The following ZNF705G variants were observed in gnomAD, a reference collection of about 807,000 sequenced individuals.
ZNF705G encodes the protein putative zinc finger protein 705G.
Under a neutral mutation model 19.6 loss-of-function variants are expected in ZNF705G, and 23 were observed. The ratio of observed to expected loss-of-function variants is 1.17; its 90% CI spans 0.84 to 1.66. ZNF705G has a LOEUF of 1.66. ZNF705G is among the 40% of genes most tolerant of loss of function. ZNF705G has a pLI of 0.00. For synonymous variants in ZNF705G, 146 were observed against 117.7 expected (o/e 1.24, Z -1.56); for missense variants, 457 against 354.4 (o/e 1.29, Z -2.32).
chr8:7,384,937 T>C (rs1807663200), intron 1 of ZNF705G, among the ~76,000 whole-genome samples: 2 of 146,278 alleles, frequency 1.4e-5, no homozygotes, highest in South Asian at 4.2e-4. Context: ...ATGCAGGTTA[T>C]ACAACTAGTG....
rs1309030869 is a variant in ZNF705G, at chr8:7,357,239, A to G, written c.*737T>C. ...ATTTCTCATGATTTTTCATTGCATA[A>G]CTTCTCCAGTAAGAAGTATTTGGTA... On this transcript the variant is annotated 3_prime_UTR_variant, in exon 7 of 7. Coordinates refer to ENST00000400156, the MANE Select transcript of ZNF705G (RefSeq NM_001164457.3). 1.3e-5 allele frequency: 2 copies of G among 150,918 alleles called. No homozygotes were observed. Among genetic ancestry groups the G allele is most frequent in the Non-Finnish European group, 2.9e-5 (2 of 68,432 alleles). The allele number at this position is 150,918 out of a possible 1,614,324, so 9.3% of individuals were successfully genotyped here.
At chr8:7,361,477 T>C (rs1344992457) in intron 3 of ZNF705G, among the ~76,000 whole-genome samples, 1 of 149,702 alleles carries the variant, frequency 6.7e-6, no homozygotes, top group Non-Finnish European at 1.5e-5. Flanking sequence ...TGGCATAATA[T>C]AACCCAGATA....
chr8:7,367,311 A>G (rs1302496056), intron 2 of ZNF705G, among the ~76,000 whole-genome samples: 1 of 149,322 alleles, frequency 6.7e-6, no homozygotes, highest in African/African-American at 2.6e-5. Context: ...TTCCTCTCTA[A>G]AAATGATAAT....
In ZNF705G at chr8:7,355,972, G is replaced by A. The variant is rs1260300508; in HGVS notation, c.*2004C>T. On this transcript the variant is annotated 3_prime_UTR_variant, in exon 7 of 7. Transcript: ENST00000400156. ...ATAATGATGTGTCAACTTCAACCAT[G>A]GATAAGGCCATTTAGCCTTAGTAAG... 1.3e-5 allele frequency: 2 copies of A among 149,416 alleles called. No individual in the cohort carries two copies. Among genetic ancestry groups the A allele is most frequent in the Admixed American group, 6.6e-5 (1 of 15,236 alleles). The allele number at this position is 149,416 out of a possible 1,614,324, so 9.3% of individuals were successfully genotyped here.
Position 7,375,556 on chromosome 8 carries a change from T to C in ZNF705G, c.-72+5896A>G, listed in dbSNP as rs1345499871. On this transcript the variant is annotated intron_variant, in intron 2 of 6. Coordinates refer to ENST00000400156, the MANE Select transcript of ZNF705G (RefSeq NM_001164457.3). ...GATATACACCCAGTAGTGAGATTAC[T>C]GGGTCAAATGTTAGTTCTGTATTAA... Among the ~76,000 whole-genome samples, 2 of 93,136 alleles carry C rather than the reference T, an allele frequency of 2.1e-5. 1 individual carries two copies. Among genetic ancestry groups the C allele is most frequent in the African/African-American group, 1.0e-4 (2 of 20,012 alleles). The allele number at this position is 93,136 out of a possible 152,430, so 61.1% of individuals were successfully genotyped here. A position where few individuals can be genotyped will look rare whatever the true frequency, so the allele number is the denominator to read the frequency against.
intron 6 of ZNF705G, 42 bp downstream of exon 6, chr8:7,359,577 T>G (rs745933972): frequency 1.2e-6 from 2 of 1,603,010 alleles, no homozygotes; most frequent in South Asian, 2.2e-5. Context: ...CATTAACATG[T>G]CTTTAACTTA....
chr8:7,363,879 AG>A, intron 2 of ZNF705G, among the ~76,000 whole-genome samples: 1 of 149,474 alleles, frequency 6.7e-6, no homozygotes, highest in Non-Finnish European at 1.5e-5. Flanking sequence ...TTTCACTTAG[AG>A]GGTCAACACT....
chr8:7,365,594 T>C (rs1465423743), intron 2 of ZNF705G, among the ~76,000 whole-genome samples: 1 of 149,276 alleles, frequency 6.7e-6, no homozygotes, highest in Non-Finnish European at 1.5e-5. Context: ...GGTCTAAAAC[T>C]CCTGACCTCA....
Position 7,385,494 on chromosome 8 carries a change from C to G in ZNF705G, c.-222+4G>C, listed in dbSNP as rs183772362. The G allele has an allele frequency of 6.7e-6, 1 of 149,300 alleles. No individual in the cohort carries two copies. Among genetic ancestry groups the G allele is most frequent in the Non-Finnish European group, 1.5e-5 (1 of 68,138 alleles). The allele number at this position is 149,300 out of a possible 1,614,324, so 9.2% of individuals were successfully genotyped here. ...AAAACCAGTTGGCCCTACTGGAAAC[C>G]CACCTTGCAGTTGGTTCCTCCACCC... On this transcript the variant is annotated splice_donor_region_variant and intron_variant, in intron 1 of 6. Coordinates refer to ENST00000400156, the MANE Select transcript of ZNF705G (RefSeq NM_001164457.3).
At chr8:7,364,903 G>A (rs1806787785) in intron 2 of ZNF705G, among the ~76,000 whole-genome samples, 1 of 149,430 alleles carries the variant, frequency 6.7e-6, no homozygotes, top group African/African-American at 2.6e-5. Flanking sequence ...ATTAGAGAAT[G>A]CCTACAAAGC....
intron 1 of ZNF705G, among the ~76,000 whole-genome samples, chr8:7,382,049 T>C (rs2128848777): frequency 6.6e-6 from 1 of 152,276 alleles, no homozygotes. Context: ...AAGGGCGTGA[T>C]ACAAAAGTGG....
In ZNF705G at chr8:7,358,451, G is replaced by A. The variant is rs749481564; in HGVS notation, c.428C>T (p.Pro143Leu). ...TTTTCCACACTGTTTGCTGACATAG[G>A]GTTTCTTTCCACTATGAGTTAACAA... ...QCLLTHSGKK[P>L]YVSKQCGKSL... Residue 143 changes from proline to leucine, a missense_variant, in exon 7 of 7, where the codon CCC (proline) becomes CTC (leucine). By Grantham distance (98) the Pro-to-Leu change is moderately conservative. Transcript: ENST00000400156. 4.3e-5 allele frequency: 69 copies of A among 1,607,578 alleles called. 13 individuals are homozygous for A. The African/African-American group carries it at 9.1e-4, about 21-fold the overall frequency.
intron 2 of ZNF705G, among the ~76,000 whole-genome samples, chr8:7,365,796 G>C (rs1168404468): frequency 6.0e-5 from 9 of 149,574 alleles, no homozygotes; most frequent in Non-Finnish European, 1.0e-4. Flanking sequence ...CGGCTATTTA[G>C]ACACAACTTA....
Sources: gnomAD v4.1 joint callset for allele counts (sites outside exome capture counted in the v4.1 genomes callset) on GRCh38, gnomAD v4.1.1 for gene constraint, MANE v1.5 for transcripts, NCBI Gene and HGNC (gene_info 2026-07-23, HGNC 2026-07-21) for gene names.